The following ADGRA3 variants were observed in gnomAD, a reference collection of about 807,000 sequenced individuals.
ADGRA3 encodes G-protein coupled receptor 125.
A neutral mutation model predicts 119.8 loss-of-function variants in ADGRA3; 56 were observed. The observed-to-expected ratio is 0.47, with a 90% CI of 0.38 to 0.58. The LOEUF (loss-of-function observed/expected upper bound fraction) is 0.58. ADGRA3 is among the 20% of genes least tolerant of loss of function. ADGRA3 has a pLI of 0.00. For missense variants in ADGRA3, 1,516 were observed against 1,649.0 expected (o/e 0.92, Z 1.40); for synonymous variants, 607 against 623.8 (o/e 0.97, Z 0.40).
chr4:22,387,784 C>T lies in ADGRA3; in HGVS notation c.3887G>A (p.Gly1296Glu), dbSNP rs1278788508. 1.2e-6 allele frequency: 2 copies of T among 1,614,098 alleles called. No individual in the cohort carries two copies. Among genetic ancestry groups the T allele is most frequent in the Non-Finnish European group, 1.7e-6 (2 of 1,179,996 alleles). Residue 1296 changes from glycine to glutamate, a missense_variant, in exon 19 of 19, where the codon GGG becomes GAG. By Grantham distance (98) the Gly-to-Glu change is moderately conservative (BLOSUM62 -2). Around this residue, in one of 2 missense-constraint regions of ADGRA3, gnomAD observed 1,088 missense variants for 1,107.1 expected, o/e 0.98. Coordinates refer to ENST00000334304, the MANE Select transcript of ADGRA3 (RefSeq NM_145290.4). ...GGTACCGAGCAAGGGTCCCTCCTGC[C>T]CATTGCTTTTAATTGGTCCATTCTG... The part of the protein sequence containing the change: ...AIQNGPIKSN[G>E]QEGPLLGTDS...
At chr4:22,439,774 G>A (rs538392156) in intron 7 of ADGRA3, among the ~76,000 whole-genome samples, 8 of 152,100 alleles carry the variant, frequency 5.3e-5, no homozygotes, top group African/African-American at 9.6e-5. Flanking sequence ...AGTATATTTC[G>A]TCAATGAAAA....
At chr4:22,417,826 G>C (rs1239857663) in intron 12 of ADGRA3, among the ~76,000 whole-genome samples, 1 of 152,092 alleles carries the variant, frequency 6.6e-6, no homozygotes, top group East Asian at 1.9e-4. Context: ...GGGATGGACT[G>C]GAAAAGTGCA....
At chr4:22,439,129 A>T (rs1408845200) in intron 7 of ADGRA3, among the ~76,000 whole-genome samples, 1 of 152,206 alleles carries the variant, frequency 6.6e-6, no homozygotes, top group Admixed American at 6.5e-5. Context: ...AAATATTCAA[A>T]CATGAAAAAA....
chr4:22,507,975 G>C (rs1036997486), intron 1 of ADGRA3, among the ~76,000 whole-genome samples: 1 of 152,132 alleles, frequency 6.6e-6, no homozygotes, highest in Non-Finnish European at 1.5e-5. Context: ...GTAAACATAC[G>C]AATTTGCATC....
intron 1 of ADGRA3, among the ~76,000 whole-genome samples, chr4:22,507,212 C>G (rs140966220): frequency 0.031 from 4,688 of 152,068 alleles, 253 homozygotes; most frequent in African/African-American, 0.11. Context: ...TGCACTCCAG[C>G]CTGGGCAACA....
At chr4:22,450,372 T>C (rs1335987179) in intron 4 of ADGRA3, among the ~76,000 whole-genome samples, 1 of 151,970 alleles carries the variant, frequency 6.6e-6, no homozygotes, top group African/African-American at 2.4e-5. Flanking sequence ...TTCAAGTGAT[T>C]CTCATGCCTC....
At chr4:22,466,246 C>G (rs1717653088) in intron 2 of ADGRA3, among the ~76,000 whole-genome samples, 1 of 152,166 alleles carries the variant, frequency 6.6e-6, no homozygotes, top group African/African-American at 2.4e-5. Flanking sequence ...CCCTGTCTCT[C>G]TTCATTTATA....
At chr4:22,456,865 T>G (rs995450528) in intron 3 of ADGRA3, among the ~76,000 whole-genome samples, 8 of 152,232 alleles carry the variant, frequency 5.3e-5, no homozygotes, top group African/African-American at 1.9e-4. Flanking sequence ...TTAAGCAATA[T>G]AAGTCTTTAT....
rs549254746 is a variant in ADGRA3, at chr4:22,445,376, G to A, written c.546-243C>T. On this transcript the variant is annotated intron_variant, in intron 5 of 18. Coordinates refer to ENST00000334304, the MANE Select transcript of ADGRA3 (RefSeq NM_145290.4). ...GGATGAAATTTTGTAGGCAAACAAA[G>A]ACTCTTTGGCAGATATCCCTCTTCT... Among the ~76,000 whole-genome samples, 7 of 152,262 alleles carry A rather than the reference G, an allele frequency of 4.6e-5. No homozygotes were observed. In the South Asian group the frequency reaches 1.5e-3, roughly 32 times the overall value.
chr4:22,459,298 C>T (rs987230724), intron 3 of ADGRA3, among the ~76,000 whole-genome samples: 57 of 152,060 alleles, frequency 3.7e-4, no homozygotes, highest in African/African-American at 1.3e-3. Flanking sequence ...GAGGGAACAA[C>T]ACACACTGGG....
chr4:22,392,720 GA>G (rs201777227), intron 16 of ADGRA3, 30 bp from the exon 17 acceptor site: 10 of 1,573,516 alleles, frequency 6.4e-6, no homozygotes, highest in Admixed American at 2.0e-5. Flanking sequence ...ATAAATAAAA[GA>G]AAAAAAATGT....
chr4:22,389,143 C>T lies in ADGRA3; in HGVS notation c.2668G>A (p.Gly890Ser), dbSNP rs753239712. The change falls in exon 18 of 19, where the codon GGC (glycine) becomes AGC (serine). Residue 890 changes from glycine (G) to serine (S), a missense_variant. This residue lies in a region of ADGRA3 where 1,088 missense variants were observed against 1,107.1 expected (regional missense o/e 0.98). Coordinates refer to ENST00000334304, the MANE Select transcript of ADGRA3 (RefSeq NM_145290.4). Reference sequence around the variant, plus strand: ...TTAATGTTCGCTGCTGCAGTTATGCCGCAAACAATGATGGGGATACCACCA... The same window carrying T: ...TTAATGTTCGCTGCTGCAGTTATGCTGCAAACAATGATGGGGATACCACCA... Reference protein sequence around the residue: ...IGGGIPIIVCGITAAANIKNY... With the variant: ...IGGGIPIIVCSITAAANIKNY... 1.3e-5 allele frequency: 21 copies of T among 1,613,840 alleles called. No individual in the cohort carries two copies. Among genetic ancestry groups the T allele is most frequent in the Middle Eastern group, 1.7e-4 (1 of 6,056 alleles).
chr4:22,491,950 G>A (rs574544622), intron 1 of ADGRA3, among the ~76,000 whole-genome samples: 12 of 152,284 alleles, frequency 7.9e-5, no homozygotes, highest in South Asian at 6.2e-4. Context: ...GTTCCCAATC[G>A]TCAGATCAAT....
chr4:22,431,773 T>C (rs954178682), intron 10 of ADGRA3, among the ~76,000 whole-genome samples: 3 of 152,272 alleles, frequency 2.0e-5, no homozygotes, highest in African/African-American at 4.8e-5. Context: ...GGGTAAATAA[T>C]TGTCTTGTTT....
chr4:22,475,299 TTC>T (rs1717999307), intron 1 of ADGRA3, among the ~76,000 whole-genome samples: 1 of 152,182 alleles, frequency 6.6e-6, no homozygotes, highest in Non-Finnish European at 1.5e-5. Context: ...AAGTTTCAAA[TTC>T]TGTTTCCTTG....
At chr4:22,499,193 A>G (rs934543210) in intron 1 of ADGRA3, among the ~76,000 whole-genome samples, 2 of 152,240 alleles carry the variant, frequency 1.3e-5, no homozygotes, top group Non-Finnish European at 2.9e-5. Context: ...ATTCTAATAA[A>G]GCCACTGGAA....
rs59015584 is a variant in ADGRA3, at chr4:22,513,845, C to CAAAAAAAAAAAA, written c.257+1671_257+1682dup. 7.0e-4 allele frequency among the ~76,000 whole-genome samples: 22 copies of CAAAAAAAAAAAA among 31,480 alleles called. 2 individuals carry two copies. The highest frequency in any genetic ancestry group is 2.2e-3 in the African/African-American group (22 of 10,146). 20.7% of individuals were successfully genotyped at this position (31,480 alleles called of 152,430 possible). A position where few individuals can be genotyped will look rare whatever the true frequency, so the allele number is the denominator to read the frequency against. ...TATTTTCATCTAAAAAGCTTTCAGG[C>CAAAAAAAAAAAA]AAAAAAAAAAAAAAAAAAAAAAAAA... On this transcript the variant is annotated intron_variant, in intron 1 of 18. Transcript: ENST00000334304.
intron 1 of ADGRA3, among the ~76,000 whole-genome samples, chr4:22,497,349 T>C (rs1215013854): frequency 6.6e-6 from 1 of 150,424 alleles, no homozygotes; most frequent in Admixed American, 6.6e-5. Context: ...CAAGGACATC[T>C]TCACTATAAA....
chr4:22,491,643 T>C (rs1718627489), intron 1 of ADGRA3, among the ~76,000 whole-genome samples: 5 of 152,158 alleles, frequency 3.3e-5, no homozygotes, highest in Admixed American at 2.0e-4. Flanking sequence ...ACAAGAATCC[T>C]CAGGGTCCTT....
Sources: gnomAD v4.1 joint callset for allele counts (sites outside exome capture counted in the v4.1 genomes callset) on GRCh38, gnomAD v4.1.1 for gene constraint, gnomAD v4.1.1 regional missense constraint, MANE v1.5 for transcripts, NCBI Gene and HGNC (gene_info 2026-07-23, HGNC 2026-07-21) for gene names.